SUPT3H: variants seen among roughly 807,000 people sequenced by gnomAD.
SUPT3H encodes the protein transcription initiation protein SPT3 homolog.
In SUPT3H, 44 loss-of-function variants were observed where a neutral mutation model predicts 44.3. The observed-to-expected ratio is 0.99, with a 90% CI of 0.78 to 1.28. The LOEUF (loss-of-function observed/expected upper bound fraction) is 1.28, where lower values mean the gene tolerates loss of function less well. Among genes scored for constraint, SUPT3H ranks in the 50% most tolerant of loss-of-function variants. The probability of loss-of-function intolerance (pLI) is 0.00; values close to 1 mark genes in which losing one functional copy is unlikely to be tolerated. For synonymous variants in SUPT3H, 124 were observed against 125.6 expected (o/e 0.99, Z 0.09); for missense variants, 380 against 387.1 (o/e 0.98, Z 0.15).
Position 44,932,695 on chromosome 6 carries a change from A to T in SUPT3H, c.870T>A (p.Ile290=). ...GGCCAATCCTGTGGCTGTAGCGTCG[A>T]ATGGCCTCTCTGATGTGGCAGGGCT... ...AIQPCHIREA[I]RRYSHRIGPL... Residue 290 remains isoleucine (I), a synonymous_variant, in exon 10 of 11, where the codon ATT becomes ATA. Coordinates refer to ENST00000371459, the MANE Select transcript of SUPT3H (RefSeq NM_003599.4). 1 of 1,612,068 alleles carries T rather than the reference A, an allele frequency of 6.2e-7. No individual in the cohort carries two copies. The highest frequency in any genetic ancestry group is 8.5e-7 in the Non-Finnish European group (1 of 1,179,164).
At chr6:45,221,735 T>C (rs572904458) in intron 2 of SUPT3H, among the ~76,000 whole-genome samples, 1 of 152,280 alleles carries the variant, frequency 6.6e-6, no homozygotes, top group African/African-American at 2.4e-5. Flanking sequence ...GGGAAGCTTA[T>C]TCTAATTTGT....
intron 6 of SUPT3H, among the ~76,000 whole-genome samples, chr6:44,991,605 C>T (rs1448320221): frequency 2.0e-5 from 3 of 151,954 alleles, no homozygotes; most frequent in African/African-American, 4.8e-5. Context: ...CTGCAACCTC[C>T]GCCTTGTGGG....
intron 2 of SUPT3H, among the ~76,000 whole-genome samples, chr6:45,185,616 C>T (rs1220441375): frequency 6.6e-6 from 1 of 152,188 alleles, no homozygotes; most frequent in Admixed American, 6.5e-5. Flanking sequence ...TAAGACACTG[C>T]CAACACCAAT....
intron 3 of SUPT3H, among the ~76,000 whole-genome samples, chr6:45,062,661 G>T (rs1408192414): frequency 6.6e-6 from 1 of 152,212 alleles, no homozygotes; most frequent in East Asian, 1.9e-4. Flanking sequence ...AGCGCGAGGG[G>T]TCAGGAAGTT....
intron 10 of SUPT3H, among the ~76,000 whole-genome samples, chr6:44,855,148 A>G (rs1447288985): frequency 1.3e-5 from 2 of 152,194 alleles, no homozygotes; most frequent in South Asian, 2.1e-4. Context: ...GCACACAAAC[A>G]TCTTGCACTT....
At chr6:44,950,301 A>G (rs1774080820) in intron 9 of SUPT3H, among the ~76,000 whole-genome samples, 1 of 152,214 alleles carries the variant, frequency 6.6e-6, no homozygotes, top group African/African-American at 2.4e-5. Context: ...TACTAAAAAA[A>G]TTCCTTATCA....
chr6:45,127,257 T>G (rs1802586086), intron 2 of SUPT3H, among the ~76,000 whole-genome samples: 1 of 152,128 alleles, frequency 6.6e-6, no homozygotes, highest in Non-Finnish European at 1.5e-5. Context: ...GAGGTTGCAG[T>G]GAGCTGAGAT....
intron 2 of SUPT3H, among the ~76,000 whole-genome samples, chr6:45,121,307 T>C (rs1025722276): frequency 1.3e-5 from 2 of 152,218 alleles, no homozygotes; most frequent in South Asian, 4.1e-4. Flanking sequence ...GAGAGAATGC[T>C]TGGGCAACTC....
intron 3 of SUPT3H, among the ~76,000 whole-genome samples, chr6:45,087,836 T>C (rs1013070067): frequency 1.3e-5 from 2 of 151,934 alleles, no homozygotes; most frequent in African/African-American, 4.8e-5. Flanking sequence ...GGAAATTTCT[T>C]CACACAATAT....
chr6:44,925,529 C>T (rs1769383913), intron 10 of SUPT3H, among the ~76,000 whole-genome samples: 2 of 152,176 alleles, frequency 1.3e-5, no homozygotes, highest in South Asian at 2.1e-4. Context: ...TATGTCATCA[C>T]ACTCGGCAAA....
chr6:44,908,328 AT>A (rs1239522340), intron 10 of SUPT3H, among the ~76,000 whole-genome samples: 2 of 151,180 alleles, frequency 1.3e-5, no homozygotes, highest in African/African-American at 4.9e-5. Context: ...ATTTTTTGTA[AT>A]TTTAGTAGAG....
At position 45,212,707 on chromosome 6, in the gene SUPT3H, C is replaced by T. The variant is rs1480127987; in HGVS notation, c.102-106701G>A. Among the ~76,000 whole-genome samples the T allele has an allele frequency of 2.6e-5, 4 of 152,164 alleles. No homozygotes were observed. The East Asian group carries it at 5.8e-4, about 22-fold the overall frequency. On this transcript the variant is annotated intron_variant, in intron 2 of 10. Transcript: ENST00000371459. ...AATCTTTTTCTGTCTTCAGGGCTGACAATTTGCTTAGGTATCGAATTCTAC... is the reference window on the plus strand; with the variant it reads ...AATCTTTTTCTGTCTTCAGGGCTGATAATTTGCTTAGGTATCGAATTCTAC...
intron 2 of SUPT3H, among the ~76,000 whole-genome samples, chr6:45,106,724 C>T (rs1460283473): frequency 6.6e-6 from 1 of 151,986 alleles, no homozygotes; most frequent in Non-Finnish European, 1.5e-5. Flanking sequence ...TTAGTAGATA[C>T]AGGGTTTCAC....
At chr6:45,337,535 T>C (rs1788832913) in intron 2 of SUPT3H, among the ~76,000 whole-genome samples, 1 of 151,850 alleles carries the variant, frequency 6.6e-6, no homozygotes, top group Admixed American at 6.6e-5. Context: ...TAAGTTCTTT[T>C]GCTACGCCAT....
intron 3 of SUPT3H, among the ~76,000 whole-genome samples, chr6:45,064,625 C>G (rs1038342005): frequency 7.2e-6 from 1 of 139,564 alleles, no homozygotes; most frequent in South Asian, 2.5e-4. Flanking sequence ...ATCTACCAAG[C>G]AAATGGAAAA....
intron 2 of SUPT3H, among the ~76,000 whole-genome samples, chr6:45,254,989 A>T (rs1222559442): frequency 6.6e-6 from 1 of 152,218 alleles, no homozygotes; most frequent in African/African-American, 2.4e-5. Flanking sequence ...TTATCAGATC[A>T]ATTTGCTGTA....
chr6:45,291,552 T>C (rs995613812), intron 2 of SUPT3H, among the ~76,000 whole-genome samples: 1 of 151,938 alleles, frequency 6.6e-6, no homozygotes, highest in Non-Finnish European at 1.5e-5. Flanking sequence ...CCAAAAAATA[T>C]TACACGAAGT....
rs115343527 is a variant in SUPT3H, at chr6:44,969,084, C to T, written c.505-7256G>A. ...TCCCACCTCCTCTGGGAAGTTTGTC[C>T]AGTTTACACTGATTTCTCTCTTCTG... On this transcript the variant is annotated intron_variant, in intron 6 of 10. Transcript: ENST00000371459. 3.2e-3 allele frequency among the ~76,000 whole-genome samples: 492 copies of T among 152,208 alleles called. 1 individual carries two copies. Among genetic ancestry groups the T allele is most frequent in the African/African-American group, 0.011 (467 of 41,524 alleles).
downstream of SUPT3H, among the ~76,000 whole-genome samples, chr6:44,826,149 C>T (rs954259367): frequency 1.3e-5 from 2 of 152,176 alleles, no homozygotes; most frequent in African/African-American, 2.4e-5. Flanking sequence ...GAGTTTTTAA[C>T]GACATCTGGC....
Sources: gnomAD v4.1 joint callset for allele counts (sites outside exome capture counted in the v4.1 genomes callset) on GRCh38, gnomAD v4.1.1 for gene constraint, MANE v1.5 for transcripts, NCBI Gene and HGNC (gene_info 2026-07-23, HGNC 2026-07-21) for gene names.